The following PIK3C2G variants were observed in gnomAD, a reference collection of about 807,000 sequenced individuals.
PIK3C2G encodes the protein phosphatidylinositol 3-kinase C2 domain-containing subunit gamma.
In PIK3C2G, 168 loss-of-function variants were observed where a neutral mutation model predicts 181.1. The ratio of observed to expected loss-of-function variants is 0.93; its 90% CI spans 0.82 to 1.05. PIK3C2G has a LOEUF of 1.05. Ranked by LOEUF, PIK3C2G falls within the 50% of genes least tolerant of loss-of-function variation. The probability of loss-of-function intolerance (pLI) is 0.00; values close to 1 mark genes in which losing one functional copy is unlikely to be tolerated. For synonymous variants in PIK3C2G, 573 were observed against 592.2 expected (o/e 0.97, Z 0.47); for missense variants, 1,869 against 1,732.8 (o/e 1.08, Z -1.40).
rs536985867 is a variant in PIK3C2G, at chr12:18,433,494, C to G, written c.2504+9455C>G. Among the ~76,000 whole-genome samples the G allele has an allele frequency of 3.3e-5, 5 of 152,220 alleles. No individual in the cohort carries two copies. The South Asian group carries it at 1.0e-3, about 32-fold the overall frequency. Reference sequence around the variant, plus strand: ...TGAGCCGAGATCACGCCATTGCACTCCAGCCTGGGTGAAAGAGCTAGACTC... The same window carrying G: ...TGAGCCGAGATCACGCCATTGCACTGCAGCCTGGGTGAAAGAGCTAGACTC... On this transcript the variant is annotated intron_variant, in intron 18 of 32. Transcript: ENST00000538779.
chr12:18,690,201 C>T, the PIK3C2G span, among the ~76,000 whole-genome samples: 1 of 151,598 alleles, frequency 6.6e-6, no homozygotes, highest in Non-Finnish European at 1.5e-5. Flanking sequence ...GAACAAAACA[C>T]ATCTGTTTTT....
the PIK3C2G span, among the ~76,000 whole-genome samples, chr12:18,661,916 C>T: frequency 2.6e-5 from 4 of 152,120 alleles, no homozygotes; most frequent in Admixed American, 2.0e-4. Flanking sequence ...TACACATACA[C>T]CATGAAATAC....
intron 13 of PIK3C2G, among the ~76,000 whole-genome samples, chr12:18,381,157 A>T (rs1444993355): frequency 6.6e-6 from 1 of 152,096 alleles, no homozygotes; most frequent in East Asian, 1.9e-4. Context: ...TCCTGTATGC[A>T]CTCTCATTTA....
At chr12:18,623,555 T>G (rs1315444270) in intron 31 of PIK3C2G, among the ~76,000 whole-genome samples, 2 of 151,772 alleles carry the variant, frequency 1.3e-5, no homozygotes, top group Non-Finnish European at 3.0e-5. Flanking sequence ...TAGGATTCCT[T>G]TTTTTCTATA....
chr12:18,667,262 A>G, the PIK3C2G span, among the ~76,000 whole-genome samples: 1 of 152,196 alleles, frequency 6.6e-6, no homozygotes, highest in Non-Finnish European at 1.5e-5. Context: ...ATGACAGCAT[A>G]TGACTACCAC....
chr12:18,652,949 AAGAG>A (rs1179358261), downstream of PIK3C2G, among the ~76,000 whole-genome samples: 1 of 146,474 alleles, frequency 6.8e-6, no homozygotes, highest in Admixed American at 6.7e-5. Flanking sequence ...GAGAGAGAGA[AAGAG>A]AGAGACTGAT....
At chr12:18,321,625 A>G (rs1951111344) in intron 7 of PIK3C2G, among the ~76,000 whole-genome samples, 1 of 152,174 alleles carries the variant, frequency 6.6e-6, no homozygotes, top group African/African-American at 2.4e-5. Context: ...TGTGGGAGGT[A>G]CAGGTCATAA....
intron 10 of PIK3C2G, 82 bp downstream of exon 10, chr12:18,343,442 T>A (rs907323941): frequency 5.8e-6 from 4 of 693,544 alleles, no homozygotes; most frequent in South Asian, 3.5e-5. Context: ...TCAATTTTTT[T>A]ATGCAAATAC....
intron 25 of PIK3C2G, among the ~76,000 whole-genome samples, chr12:18,539,611 T>C (rs1303435042): frequency 6.6e-6 from 1 of 151,936 alleles, no homozygotes; most frequent in Non-Finnish European, 1.5e-5. Flanking sequence ...AGTGGCATCA[T>C]ATTGGTCAGC....
chr12:18,316,622 T>C (rs1481148171), intron 6 of PIK3C2G, among the ~76,000 whole-genome samples: 2 of 152,080 alleles, frequency 1.3e-5, no homozygotes, highest in East Asian at 3.9e-4. Context: ...CTAATATTGA[T>C]GCTGTTGTTT....
chr12:18,650,706 A>ATATATCTATATC (rs1565602607), downstream of PIK3C2G, among the ~76,000 whole-genome samples: 1 of 8,368 alleles, frequency 1.2e-4, no homozygotes, highest in African/African-American at 4.8e-4. Context: ...GTGTGTGTGT[A>ATATATCTATATC]TATATCTATA....
Position 18,614,308 on chromosome 12 carries a change from CT to C in PIK3C2G, c.4182+4686del, listed in dbSNP as rs1356215219. Among the ~76,000 whole-genome samples, 2 of 152,006 alleles carry C rather than the reference CT, an allele frequency of 1.3e-5. 1 individual carries two copies. Among genetic ancestry groups the C allele is most frequent in the Non-Finnish European group, 2.9e-5 (2 of 67,988 alleles). ...CTGGATATTCTACTGTGTTTCATGACTTTTTTTGCCAAAGAAACATTGACCC... is the reference window on the plus strand; with the variant it reads ...CTGGATATTCTACTGTGTTTCATGACTTTTTTGCCAAAGAAACATTGACCC... On this transcript the variant is annotated intron_variant, in intron 31 of 32. Coordinates refer to ENST00000538779, the MANE Select transcript of PIK3C2G (RefSeq NM_001288772.2).
At chr12:18,266,615 A>T (rs1948511354) in intron 1 of PIK3C2G, among the ~76,000 whole-genome samples, 1 of 152,126 alleles carries the variant, frequency 6.6e-6, no homozygotes, top group African/African-American at 2.4e-5. Flanking sequence ...AAGGTTTGTG[A>T]GCACTTACAT....
intron 18 of PIK3C2G, among the ~76,000 whole-genome samples, chr12:18,434,275 T>A (rs1946325192): frequency 6.6e-6 from 1 of 152,152 alleles, no homozygotes; most frequent in Non-Finnish European, 1.5e-5. Flanking sequence ...CTGAACATCT[T>A]CCATTAGACC....
chr12:18,513,858 T>C (rs1037718011), intron 24 of PIK3C2G, among the ~76,000 whole-genome samples: 1 of 151,808 alleles, frequency 6.6e-6, no homozygotes. Flanking sequence ...TAATTTCTGC[T>C]CTGGTCTTTG....
chr12:18,352,769 G>A (rs895619941), intron 11 of PIK3C2G, among the ~76,000 whole-genome samples: 8 of 152,286 alleles, frequency 5.3e-5, no homozygotes, highest in Non-Finnish European at 1.2e-4. Flanking sequence ...TTCTTCTGGA[G>A]TTCAGCCATT....
chr12:18,635,544 A>G (rs1949558489), intron 31 of PIK3C2G, among the ~76,000 whole-genome samples: 1 of 152,174 alleles, frequency 6.6e-6, no homozygotes, highest in Admixed American at 6.5e-5. Context: ...GTCAAGAGCT[A>G]TTTCTCAAAA....
intron 28 of PIK3C2G, 68 bp from the exon 29 acceptor site, chr12:18,566,881 G>T: frequency 1.2e-6 from 1 of 810,186 alleles, no homozygotes; most frequent in South Asian, 1.4e-5. Flanking sequence ...GTAACTACAT[G>T]AACAATCTTA....
Position 18,346,827 on chromosome 12 carries a change from G to C in PIK3C2G, c.1616G>C (p.Trp539Ser). The C allele has an allele frequency of 6.2e-7, 1 of 1,607,884 alleles. No individual in the cohort carries two copies. ...GCAGCACACAACATTCCAGAAACCTGGGTGCACAGGTGAGTGGTGGTGAGT... is the reference window on the plus strand; with the variant it reads ...GCAGCACACAACATTCCAGAAACCTCGGTGCACAGGTGAGTGGTGGTGAGT... ...VYAAHNIPETWVHSYKAFSFT... is the reference protein window; with the variant it reads ...VYAAHNIPETSVHSYKAFSFT... Residue 539 changes from tryptophan to serine, a missense_variant, in exon 11 of 33, where the codon TGG becomes TCG. Trp to Ser is a radical substitution (Grantham distance 177). Transcript: ENST00000538779.
Sources: gnomAD v4.1 joint callset for allele counts (sites outside exome capture counted in the v4.1 genomes callset) on GRCh38, gnomAD v4.1.1 for gene constraint, MANE v1.5 for transcripts, NCBI Gene and HGNC (gene_info 2026-07-23, HGNC 2026-07-21) for gene names.